Variants in CNEP1R1 observed in about 807,000 individuals in gnomAD.
CNEP1R1 encodes the protein CTD nuclear envelope phosphatase 1 regulatory subunit 1, also known as nuclear envelope phosphatase-regulatory subunit 1.
CNEP1R1 carries 10 observed loss-of-function variants against 22.7 expected under a neutral mutation model. That is an observed-to-expected ratio of 0.44 (90% CI 0.27 to 0.75). CNEP1R1 has a LOEUF of 0.75. Ranked by LOEUF, CNEP1R1 falls within the 30% of genes least tolerant of loss-of-function variation. CNEP1R1 has a pLI of 0.17. For synonymous variants in CNEP1R1, 53 were observed against 50.1 expected (o/e 1.06, Z -0.25); for missense variants, 73 against 151.5 (o/e 0.48, Z 2.72).
At position 50,035,570 on chromosome 16, in the gene CNEP1R1, C is replaced by A; in HGVS notation, c.*112C>A. On this transcript the variant is annotated 3_prime_UTR_variant, in exon 6 of 6. Transcript: ENST00000427478. ...GTTGGATATGTAAAGGTCATAGCAGCAACTGACAAGAAGTGTGCAATATTT... is the reference window on the plus strand; with the variant it reads ...GTTGGATATGTAAAGGTCATAGCAGAAACTGACAAGAAGTGTGCAATATTT... The A allele has an allele frequency of 2.8e-6, 2 of 722,404 alleles. No homozygotes were observed. Among genetic ancestry groups the A allele is most frequent in the Non-Finnish European group, 4.7e-6 (2 of 425,006 alleles). 44.7% of individuals were successfully genotyped at this position (722,404 alleles called of 1,614,324 possible).
chr16:50,025,802 G>A (rs2144269899), intron 1 of CNEP1R1: 1 of 991,930 alleles, frequency 1.0e-6, no homozygotes, highest in East Asian at 2.4e-5. Flanking sequence ...CTGTCTTCTA[G>A]AACTAGGCGC....
rs1370651165 is a variant in CNEP1R1, at chr16:50,036,231, C to A, written c.*773C>A. On this transcript the variant is annotated 3_prime_UTR_variant, in exon 6 of 6. Coordinates refer to ENST00000427478, the MANE Select transcript of CNEP1R1 (RefSeq NM_001281789.2). ...TTGGCTTTCTGCAACCTCTGCCTCCCAGGTTCAAGCGATTCTCCTGCTTCA... is the reference window on the plus strand; with the variant it reads ...TTGGCTTTCTGCAACCTCTGCCTCCAAGGTTCAAGCGATTCTCCTGCTTCA... 2.0e-5 allele frequency: 3 copies of A among 151,616 alleles called. No homozygotes were observed. Among genetic ancestry groups the A allele is most frequent in the African/African-American group, 7.3e-5 (3 of 41,188 alleles). The allele number at this position is 151,616 out of a possible 1,614,324, so 9.4% of individuals were successfully genotyped here. A position where few individuals can be genotyped will look rare whatever the true frequency, so the allele number is the denominator to read the frequency against.
At chr16:50,029,587 A>T (rs1340335108) in intron 2 of CNEP1R1, 138 bp from the exon 3 acceptor site, 1 of 493,656 alleles carries the variant, frequency 2.0e-6, no homozygotes, top group East Asian at 3.4e-5. Context: ...AAGCCTTCTA[A>T]TTCCTGAGTC....
Position 50,031,251 on chromosome 16 carries a change from T to C in CNEP1R1, c.171+1453T>C, listed in dbSNP as rs573844107. On this transcript the variant is annotated intron_variant, in intron 3 of 5. Coordinates refer to ENST00000427478, the MANE Select transcript of CNEP1R1 (RefSeq NM_001281789.2). ...CTTTTGTCATCAGTCTCCATGGCAATTCAGACAGCCAGAGAAGTTTATTTC... is the reference window on the plus strand; with the variant it reads ...CTTTTGTCATCAGTCTCCATGGCAACTCAGACAGCCAGAGAAGTTTATTTC... Among the ~76,000 whole-genome samples the C allele has an allele frequency of 5.3e-5, 8 of 152,336 alleles. No individual in the cohort carries two copies. The South Asian group carries it at 1.2e-3, about 24-fold the overall frequency.
intron 5 of CNEP1R1, among the ~76,000 whole-genome samples, chr16:50,034,915 C>T (rs1339647926): frequency 2.0e-5 from 3 of 152,130 alleles, no homozygotes; most frequent in African/African-American, 7.2e-5. Context: ...AAATTAAAAA[C>T]TATCATGTAC....
At chr16:50,034,071 G>A (rs756799575) in intron 4 of CNEP1R1, 31 bp from the exon 5 acceptor site, 2 of 1,560,004 alleles carry the variant, frequency 1.3e-6, no homozygotes, top group South Asian at 1.2e-5. Flanking sequence ...CTCTTGAAAT[G>A]AGAAATTTTC....
chr16:50,034,980 G>A (rs1352133048), intron 5 of CNEP1R1, among the ~76,000 whole-genome samples: 2 of 152,076 alleles, frequency 1.3e-5, no homozygotes, highest in African/African-American at 4.8e-5. Context: ...ATTTTGATTT[G>A]CTTATTTTAT....
Position 50,035,669 on chromosome 16 carries a change from G to A in CNEP1R1, c.*211G>A. ...TTTGATTACCTGTGTTTCAGTATTA[G>A]TGTCACTTTAGTACTTCAGATCCTG... On this transcript the variant is annotated 3_prime_UTR_variant, in exon 6 of 6. Transcript: ENST00000427478. 2 of 517,930 alleles carry A rather than the reference G, an allele frequency of 3.9e-6. No homozygotes were observed. The highest frequency in any genetic ancestry group is 6.8e-6 in the Non-Finnish European group (2 of 292,712). 32.1% of individuals were successfully genotyped at this position (517,930 alleles called of 1,614,324 possible).
At chr16:50,034,054 A>G (rs1328675427) in intron 4 of CNEP1R1, 48 bp from the exon 5 acceptor site, 1 of 1,480,026 alleles carries the variant, frequency 6.8e-7, no homozygotes, top group South Asian at 1.2e-5. Flanking sequence ...CCCGGCCTAA[A>G]AGCATACTCT....
chr16:50,034,342 A>G, intron 5 of CNEP1R1, 186 bp downstream of exon 5: 4 of 556,816 alleles, frequency 7.2e-6, no homozygotes, highest in South Asian at 4.2e-5. Flanking sequence ...TCCATCTTAC[A>G]GTCAATGAGA....
At position 50,036,142 on chromosome 16, in the gene CNEP1R1, T is replaced by C. The variant is rs28419572; in HGVS notation, c.*684T>C. On this transcript the variant is annotated 3_prime_UTR_variant, in exon 6 of 6. Transcript: ENST00000427478. ...TTATATTGCTTTAATAATTTTCTTT[T>C]TTTTTTTTTTTTTTTTAGACGGAGT... The C allele has an allele frequency of 3.5e-4, 50 of 144,880 alleles. No individual in the cohort carries two copies. The highest frequency in any genetic ancestry group is 1.2e-3 in the African/African-American group (48 of 39,282). 9.0% of individuals were successfully genotyped at this position (144,880 alleles called of 1,614,324 possible).
intron 1 of CNEP1R1, chr16:50,025,796 C>T (rs1277151170): frequency 9.7e-6 from 10 of 1,029,952 alleles, no homozygotes; most frequent in Admixed American, 1.9e-5. Context: ...ACGCCCCTGT[C>T]TTCTAGAACT....
rs2036281559 is a variant in CNEP1R1, at chr16:50,036,606, G to A, written c.*1148G>A. On this transcript the variant is annotated 3_prime_UTR_variant, in exon 6 of 6. Transcript: ENST00000427478. ...GCACAGGTGTAATTGGTCATCCTAT[G>A]CCTTCACCAGAATAACTTGGGAGTG... The A allele has an allele frequency of 6.6e-6, 1 of 152,370 alleles. No homozygotes were observed. The highest frequency in any genetic ancestry group is 6.6e-5 in the Admixed American group (1 of 15,266). 9.4% of individuals were successfully genotyped at this position (152,370 alleles called of 1,614,324 possible).
intron 1 of CNEP1R1, 56 bp from the exon 2 acceptor site, chr16:50,026,340 C>CGAA (rs1208062188): frequency 3.2e-6 from 4 of 1,262,804 alleles, no homozygotes; most frequent in Non-Finnish European, 4.5e-6. Context: ...AATACTCTGA[C>CGAA]ATTTCGTCAG....
chr16:50,026,194 AAG>A (rs1567409652), intron 1 of CNEP1R1, 200 bp from the exon 2 acceptor site: 2 of 471,870 alleles, frequency 4.2e-6, no homozygotes, highest in Non-Finnish European at 7.5e-6. Flanking sequence ...ATTGGAATTA[AAG>A]AGCCCTAATT....
At chr16:50,033,131 G>A (rs1415921092) in intron 3 of CNEP1R1, among the ~76,000 whole-genome samples, 4 of 151,966 alleles carry the variant, frequency 2.6e-5, no homozygotes, top group Non-Finnish European at 5.9e-5. Context: ...GTTGTTTTTT[G>A]ATTATAGGAA....
chr16:50,034,179 A>G (rs759052977), intron 5 of CNEP1R1, 23 bp downstream of exon 5: 4 of 1,526,110 alleles, frequency 2.6e-6, no homozygotes, highest in Non-Finnish European at 3.6e-6. Flanking sequence ...TTGGTTAGAA[A>G]ATTATAGACC....
intron 1 of CNEP1R1, chr16:50,025,791 C>T (rs1008519113): frequency 1.4e-5 from 16 of 1,117,572 alleles, no homozygotes; most frequent in Non-Finnish European, 2.0e-5. Flanking sequence ...CTTAGACGCC[C>T]CTGTCTTCTA....
intron 3 of CNEP1R1, among the ~76,000 whole-genome samples, chr16:50,030,531 G>T (rs1201089542): frequency 1.3e-5 from 2 of 152,160 alleles, no homozygotes; most frequent in Non-Finnish European, 2.9e-5. Context: ...CACTGGAGAT[G>T]ACTTTACAGG....
Sources: gnomAD v4.1 joint callset for allele counts (sites outside exome capture counted in the v4.1 genomes callset) on GRCh38, gnomAD v4.1.1 for gene constraint, MANE v1.5 for transcripts, NCBI Gene and HGNC (gene_info 2026-07-23, HGNC 2026-07-21) for gene names.